STAMBP: variants seen among roughly 807,000 people sequenced by gnomAD.
STAMBP encodes the protein STAM binding protein.
In STAMBP, 31 loss-of-function variants were observed where a neutral mutation model predicts 50.7. The ratio of observed to expected loss-of-function variants is 0.61; its 90% CI spans 0.46 to 0.83. The LOEUF is 0.83. Ranked by LOEUF, STAMBP falls within the 40% of genes least tolerant of loss-of-function variation. The pLI is 0.00. For synonymous variants in STAMBP, 211 were observed against 192.4 expected (o/e 1.10, Z -0.80); for missense variants, 472 against 518.9 (o/e 0.91, Z 0.88).
intron 7 of STAMBP, among the ~76,000 whole-genome samples, 174 bp from the exon 8 acceptor site, chr2:73,859,078 AGT>A (rs1465229871): frequency 6.6e-6 from 1 of 152,238 alleles, no homozygotes; most frequent in Non-Finnish European, 1.5e-5. Context: ...ATAAAAATAC[AGT>A]GTAATAAAAG....
intron 2 of STAMBP, among the ~76,000 whole-genome samples, chr2:73,832,701 TCA>T (rs1421646400): frequency 6.6e-6 from 1 of 152,172 alleles, no homozygotes; most frequent in Non-Finnish European, 1.5e-5. Flanking sequence ...GTCCTGTGTG[TCA>T]CAGAATGTTT....
At position 73,849,367 on chromosome 2, in the gene STAMBP, C is replaced by A; in HGVS notation, c.747C>A (p.Pro249=). The A allele has an allele frequency of 6.2e-7, 1 of 1,613,968 alleles. No individual in the cohort carries two copies. The highest frequency in any genetic ancestry group is 1.1e-5 in the South Asian group (1 of 91,072). Residue 249 remains proline, a synonymous_variant, in exon 6 of 10, where the codon CCC becomes CCA. Coordinates refer to ENST00000394070, the MANE Select transcript of STAMBP (RefSeq NM_213622.4). ...ATTCTCCTTTCTCCTTTACAGTTCC[C>A]ACAATCGATGGATTGCGCCATGTGG... The part of the protein sequence containing the change: ...PGALSNSESI[P]TIDGLRHVVV...
intron 10 of STAMBP, chr2:73,873,336 T>C (rs147660658): frequency 5.3e-5 from 8 of 152,360 alleles, no homozygotes; most frequent in Admixed American, 3.3e-4. Flanking sequence ...CTCATTTTTG[T>C]TTTGTTTTAA....
At chr2:73,834,090 A>G (rs1264575621) in intron 2 of STAMBP, among the ~76,000 whole-genome samples, 1 of 150,700 alleles carries the variant, frequency 6.6e-6, no homozygotes, top group African/African-American at 2.4e-5. Flanking sequence ...GGGTGCCTGT[A>G]ACCCCAGCCA....
intron 9 of STAMBP, among the ~76,000 whole-genome samples, chr2:73,861,023 C>A (rs952048194): frequency 6.6e-6 from 1 of 152,126 alleles, no homozygotes; most frequent in Non-Finnish European, 1.5e-5. Flanking sequence ...AACTTTCTGA[C>A]AAATCTGTTC....
At chr2:73,869,429 G>A (rs1171547521), downstream of STAMBP, among the ~76,000 whole-genome samples, 1 of 152,142 alleles carries the variant, frequency 6.6e-6, no homozygotes, top group Non-Finnish European at 1.5e-5. Context: ...GAAAGACAAT[G>A]TTTTAATTTT....
intron 2 of STAMBP, among the ~76,000 whole-genome samples, chr2:73,838,518 T>G (rs1273170426): frequency 6.6e-6 from 1 of 152,148 alleles, no homozygotes; most frequent in East Asian, 1.9e-4. Flanking sequence ...TGGAAAAGGA[T>G]CTTATGGAGG....
At chr2:73,849,649 T>C (rs913690063) in intron 6 of STAMBP, among the ~76,000 whole-genome samples, 162 bp downstream of exon 6, 1 of 152,182 alleles carries the variant, frequency 6.6e-6, no homozygotes, top group African/African-American at 2.4e-5. Context: ...GGTGACCCTG[T>C]ATTGATTGAT....
At chr2:73,845,414 G>A (rs988344474) in intron 4 of STAMBP, 152 bp downstream of exon 4, 1 of 621,052 alleles carries the variant, frequency 1.6e-6, no homozygotes, top group East Asian at 2.8e-5. Context: ...TAGAACACCA[G>A]TGGTTAGGCT....
In STAMBP at chr2:73,865,683, A is replaced by G. The variant is rs1314925996; in HGVS notation, c.*3424A>G. 1 of 152,230 alleles carries G rather than the reference A, an allele frequency of 6.6e-6. No homozygotes were observed. The highest frequency in any genetic ancestry group is 1.5e-5 in the Non-Finnish European group (1 of 68,036). 9.4% of individuals were successfully genotyped at this position (152,230 alleles called of 1,614,324 possible). On this transcript the variant is annotated 3_prime_UTR_variant, in exon 10 of 10. Transcript: ENST00000394070. Reference sequence around the variant, plus strand: ...CTCAAATGATGACAGAATGACATCTATATGCATATGAGGCCTACGTTAGTT... The same window carrying G: ...CTCAAATGATGACAGAATGACATCTGTATGCATATGAGGCCTACGTTAGTT...
At chr2:73,831,524 C>G (rs1270217030) in intron 2 of STAMBP, among the ~76,000 whole-genome samples, 1 of 152,152 alleles carries the variant, frequency 6.6e-6, no homozygotes, top group African/African-American at 2.4e-5. Flanking sequence ...TAATTAGTAA[C>G]TGCCTACAGT....
intron 2 of STAMBP, among the ~76,000 whole-genome samples, chr2:73,844,401 A>T (rs1675811085): frequency 1.3e-5 from 2 of 152,228 alleles, no homozygotes; most frequent in African/African-American, 4.8e-5. Context: ...GTAAGGAAAC[A>T]TGGTTTTCTC....
intron 2 of STAMBP, among the ~76,000 whole-genome samples, chr2:73,839,092 G>C (rs1366101602): frequency 6.6e-6 from 1 of 152,182 alleles, no homozygotes. Flanking sequence ...CCCTACTACT[G>C]AGAATCATTG....
intron 2 of STAMBP, among the ~76,000 whole-genome samples, chr2:73,833,688 T>C (rs566835331): frequency 2.6e-5 from 4 of 152,256 alleles, no homozygotes; most frequent in African/African-American, 7.2e-5. Flanking sequence ...TGCCCCACAA[T>C]AGAAAGGGCT....
chr2:73,855,862 G>C (rs965569456), intron 7 of STAMBP, among the ~76,000 whole-genome samples: 11 of 152,210 alleles, frequency 7.2e-5, no homozygotes, highest in Non-Finnish European at 2.9e-5. Context: ...AGGAGTCTGG[G>C]CTTTTGTCAA....
downstream of STAMBP, among the ~76,000 whole-genome samples, chr2:73,868,135 A>C (rs1378926635): frequency 6.6e-6 from 1 of 151,948 alleles, no homozygotes; most frequent in African/African-American, 2.4e-5. Flanking sequence ...AAAAAAAAAA[A>C]AAAAACCCAG....
intron 2 of STAMBP, among the ~76,000 whole-genome samples, chr2:73,841,736 A>G (rs1037899511): frequency 6.6e-6 from 1 of 152,222 alleles, no homozygotes; most frequent in Non-Finnish European, 1.5e-5. Flanking sequence ...CCAAGGTCAC[A>G]TAGCTAGTAA....
At chr2:73,855,806 C>A in intron 7 of STAMBP, 1 of 395,890 alleles carries the variant, frequency 2.5e-6, no homozygotes, top group South Asian at 1.8e-5. Flanking sequence ...AGTGAGCTTT[C>A]AAGAAAAATG....
At chr2:73,840,317 T>TTTG (rs1558566112) in intron 2 of STAMBP, among the ~76,000 whole-genome samples, 1 of 151,292 alleles carries the variant, frequency 6.6e-6, no homozygotes, top group Non-Finnish European at 1.5e-5. Flanking sequence ...GGGTTTGTTT[T>TTTG]TTTTTTTTTT....
Sources: gnomAD v4.1 joint callset for allele counts (sites outside exome capture counted in the v4.1 genomes callset) on GRCh38, gnomAD v4.1.1 for gene constraint, MANE v1.5 for transcripts, NCBI Gene and HGNC (gene_info 2026-07-23, HGNC 2026-07-21) for gene names.